ZRANB3: variants seen among roughly 807,000 people sequenced by gnomAD.
ZRANB3 encodes the protein zinc finger RANBP2-type containing 3.
ZRANB3 carries 125 observed loss-of-function variants against 133.8 expected under a neutral mutation model. The ratio of observed to expected loss-of-function variants is 0.93; its 90% CI spans 0.81 to 1.08. The LOEUF is 1.08. ZRANB3 is among the 50% of genes least tolerant of loss of function. The pLI is 0.00. For synonymous variants in ZRANB3, 387 were observed against 432.7 expected (o/e 0.89, Z 1.31); for missense variants, 1,229 against 1,275.5 (o/e 0.96, Z 0.56).
At chr2:135,369,191 G>A (rs530043386) in intron 3 of ZRANB3, among the ~76,000 whole-genome samples, 1 of 151,076 alleles carries the variant, frequency 6.6e-6, no homozygotes, top group African/African-American at 2.4e-5. Flanking sequence ...TACATAGAAA[G>A]TATTTGAAAA....
At chr2:135,216,187 A>G (rs1694302347) in intron 17 of ZRANB3, among the ~76,000 whole-genome samples, 1 of 152,098 alleles carries the variant, frequency 6.6e-6, no homozygotes, top group Non-Finnish European at 1.5e-5. Context: ...CCATATGTTG[A>G]AACAGTGGAA....
intron 1 of ZRANB3, among the ~76,000 whole-genome samples, chr2:135,505,566 T>A (rs1693139915): frequency 6.6e-6 from 1 of 151,308 alleles, no homozygotes; most frequent in Admixed American, 6.6e-5. Flanking sequence ...AGAGTGAGAC[T>A]CTGTCTCAAG....
intron 2 of ZRANB3, among the ~76,000 whole-genome samples, chr2:135,406,201 C>A (rs192231397): frequency 8.1e-4 from 123 of 152,272 alleles, no homozygotes; most frequent in Admixed American, 1.9e-3. Context: ...CACCTCTACA[C>A]AAATAAACTA....
rs549236168 is a variant in ZRANB3, at chr2:135,477,618, A to G, written c.161+26711T>C. Among the ~76,000 whole-genome samples the G allele has an allele frequency of 7.9e-5, 12 of 152,322 alleles. No homozygotes were observed. In the South Asian group the frequency reaches 2.5e-3, roughly 32 times the overall value. The stretch of plus-strand genomic sequence containing the variant: ...TCTCTTAACCTTAGACCTCTGAAAC[A>G]GCTTTCCACTAAGATCTTTTAAGTT... On this transcript the variant is annotated intron_variant, in intron 2 of 20. Coordinates refer to ENST00000264159, the MANE Select transcript of ZRANB3 (RefSeq NM_032143.4).
In ZRANB3 at chr2:135,268,986, A is replaced by G. The variant is rs1012082119; in HGVS notation, c.1362T>C (p.Leu454=). ...YLIANGTLDT[L]MWGMLNRKAQ... ...CCTTGCGATTCAACATTCCCCACAT[A>G]AGGGTGTCTAGGGTTCCATTTGCAA... Residue 454 remains leucine (L), a synonymous_variant, in exon 11 of 21, where the codon CTT becomes CTC. Coordinates refer to ENST00000264159, the MANE Select transcript of ZRANB3 (RefSeq NM_032143.4). 1.2e-6 allele frequency: 2 copies of G among 1,606,778 alleles called. No homozygotes were observed. Among genetic ancestry groups the G allele is most frequent in the Admixed American group, 3.4e-5 (2 of 58,304 alleles).
At chr2:135,350,435 T>C (rs1251037761) in intron 4 of ZRANB3, among the ~76,000 whole-genome samples, 1 of 152,232 alleles carries the variant, frequency 6.6e-6, no homozygotes, top group East Asian at 1.9e-4. Flanking sequence ...ACCAAAATTT[T>C]AGTTAAATGA....
chr2:135,408,064 C>T (rs1392794366), intron 2 of ZRANB3, among the ~76,000 whole-genome samples: 5 of 151,688 alleles, frequency 3.3e-5, no homozygotes, highest in Admixed American at 6.6e-5. Context: ...AAAATTTTTG[C>T]AATCTACCCA....
intron 3 of ZRANB3, among the ~76,000 whole-genome samples, chr2:135,356,325 A>G (rs746413403): frequency 1.3e-5 from 2 of 152,196 alleles, no homozygotes; most frequent in Non-Finnish European, 2.9e-5. Flanking sequence ...AGTAACGCAT[A>G]TGTTAATTAC....
intron 8 of ZRANB3, among the ~76,000 whole-genome samples, chr2:135,278,406 T>C (rs917892552): frequency 3.3e-5 from 5 of 152,174 alleles, no homozygotes; most frequent in Non-Finnish European, 7.4e-5. Flanking sequence ...AATAATTTGC[T>C]TCCAATATAC....
intron 12 of ZRANB3, among the ~76,000 whole-genome samples, chr2:135,260,863 GAT>G (rs1254374356): frequency 3.5e-5 from 5 of 141,680 alleles, no homozygotes; most frequent in Admixed American, 1.5e-4. Context: ...AAGTATATTT[GAT>G]ATATATAATA....
chr2:135,469,678 A>G (rs1574151392), intron 2 of ZRANB3, among the ~76,000 whole-genome samples: 1 of 152,194 alleles, frequency 6.6e-6, no homozygotes, highest in Non-Finnish European at 1.5e-5. Context: ...AACTTGGGAT[A>G]TTCAACCAAA....
At chr2:135,254,759 T>C (rs1234755973) in intron 12 of ZRANB3, among the ~76,000 whole-genome samples, 3 of 152,154 alleles carry the variant, frequency 2.0e-5, no homozygotes, top group Non-Finnish European at 4.4e-5. Flanking sequence ...ATTTTCTTTT[T>C]TTTTTCTTTG....
intron 8 of ZRANB3, among the ~76,000 whole-genome samples, chr2:135,283,619 A>G (rs1681203320): frequency 6.6e-6 from 1 of 151,440 alleles, no homozygotes; most frequent in Non-Finnish European, 1.5e-5. Flanking sequence ...CTGTCTAAAA[A>G]AAAAAAAAAA....
At chr2:135,490,138 G>A (rs917213403) in intron 2 of ZRANB3, among the ~76,000 whole-genome samples, 1 of 152,164 alleles carries the variant, frequency 6.6e-6, no homozygotes, top group Non-Finnish European at 1.5e-5. Flanking sequence ...AGTGAGCACT[G>A]CCTACAAAAT....
intron 2 of ZRANB3, among the ~76,000 whole-genome samples, chr2:135,401,378 G>T (rs1687723061): frequency 6.6e-6 from 1 of 152,156 alleles, no homozygotes; most frequent in Non-Finnish European, 1.5e-5. Flanking sequence ...GATGGCTATA[G>T]TGCTTCCAAA....
At chr2:135,342,111 A>C (rs1684700351) in intron 6 of ZRANB3, among the ~76,000 whole-genome samples, 1 of 149,918 alleles carries the variant, frequency 6.7e-6, no homozygotes, top group Admixed American at 6.6e-5. Flanking sequence ...TTTACGGCTC[A>C]GGGGGCATCA....
rs562801160 is a variant in ZRANB3, at chr2:135,210,755, A to AT, written c.2496-1778_2496-1777insA. ...TCGAGACCAGCCTGGCCAACATATT[A>AT]GTCTGCTAATAGTGATAGGTATCTC... On this transcript the variant is annotated intron_variant, in intron 17 of 20. Transcript: ENST00000264159. 3.4e-4 allele frequency among the ~76,000 whole-genome samples: 51 copies of AT among 152,202 alleles called. No homozygotes were observed. The East Asian group carries it at 9.3e-3, about 28-fold the overall frequency.
chr2:135,295,361 T>C (rs938009182), intron 8 of ZRANB3, among the ~76,000 whole-genome samples: 4 of 152,160 alleles, frequency 2.6e-5, no homozygotes, highest in Non-Finnish European at 5.9e-5. Flanking sequence ...TGATCTTTGT[T>C]GGTTTAAAGT....
chr2:135,446,973 G>A (rs1451684549), intron 2 of ZRANB3, among the ~76,000 whole-genome samples: 1 of 151,852 alleles, frequency 6.6e-6, no homozygotes, highest in Non-Finnish European at 1.5e-5. Context: ...AACCTCTTGG[G>A]TTGTTCTGTT....
Sources: gnomAD v4.1 joint callset for allele counts (sites outside exome capture counted in the v4.1 genomes callset) on GRCh38, gnomAD v4.1.1 for gene constraint, MANE v1.5 for transcripts, NCBI Gene and HGNC (gene_info 2026-07-23, HGNC 2026-07-21) for gene names.